Variants in ZNF407 observed in about 807,000 individuals in gnomAD.
The protein encoded by ZNF407 is zinc finger protein 407.
In ZNF407, 17 loss-of-function variants were observed where a neutral mutation model predicts 131.2. That is an observed-to-expected ratio of 0.13 (90% confidence interval 0.09 to 0.19). The LOEUF (loss-of-function observed/expected upper bound fraction) is 0.19, where lower values mean the gene tolerates loss of function less well. Among genes scored for constraint, ZNF407 ranks in the 10% least tolerant of loss-of-function variants. ZNF407 has a pLI of 1.00. For synonymous variants in ZNF407, 1,156 were observed against 1,062.0 expected (o/e 1.09, Z -1.72); for missense variants, 2,681 against 2,830.6 (o/e 0.95, Z 1.20).
chr18:74,622,872 ATGTG>A (rs1244113063), intron 1 of ZNF407, among the ~76,000 whole-genome samples: 1 of 134,466 alleles, frequency 7.4e-6, no homozygotes, highest in Admixed American at 7.9e-5. Context: ...GTGCAAATGC[ATGTG>A]TGTCAGCCTA....
chr18:74,867,627 G>C (rs1403635649), intron 4 of ZNF407, among the ~76,000 whole-genome samples: 1 of 152,202 alleles, frequency 6.6e-6, no homozygotes, highest in Non-Finnish European at 1.5e-5. Flanking sequence ...GAACTGAGCA[G>C]TACTGTTCTT....
At chr18:74,925,197 T>A (rs1350246535) in intron 8 of ZNF407, among the ~76,000 whole-genome samples, 1 of 152,246 alleles carries the variant, frequency 6.6e-6, no homozygotes, top group Non-Finnish European at 1.5e-5. Flanking sequence ...ATGCTAAGAC[T>A]TGGTCATATA....
At chr18:75,042,564 ATGG>A (rs2122242973) in intron 8 of ZNF407, among the ~76,000 whole-genome samples, 1 of 152,328 alleles carries the variant, frequency 6.6e-6, no homozygotes, top group African/African-American at 2.4e-5. Flanking sequence ...CTGTGCTTAT[ATGG>A]AGTGCATTTA....
At chr18:75,058,260 C>T (rs1005540452) in intron 8 of ZNF407, among the ~76,000 whole-genome samples, 6 of 152,176 alleles carry the variant, frequency 3.9e-5, no homozygotes, top group Non-Finnish European at 1.5e-5. Flanking sequence ...AACTCAAAAT[C>T]CTCTCCCCAA....
Position 74,631,774 on chromosome 18 carries a change from A to G in ZNF407, c.755A>G (p.Gln252Arg), listed in dbSNP as rs1449105172. Reference sequence around the variant, plus strand: ...TTTTCCTGTGATCTTTGTGGTTTTCAGTGTTCAGAAGAAAACTTGTTGAAT... The same window carrying G: ...TTTTCCTGTGATCTTTGTGGTTTTCGGTGTTCAGAAGAAAACTTGTTGAAT... ...KVFSCDLCGFQCSEENLLNAH... is the reference protein window; with the variant it reads ...KVFSCDLCGFRCSEENLLNAH... Residue 252 changes from glutamine (Q) to arginine (R), a missense_variant, in exon 2 of 9, where the codon CAG becomes CGG. Transcript: ENST00000299687. 4 of 1,614,082 alleles carry G rather than the reference A, an allele frequency of 2.5e-6. No homozygotes were observed. Among genetic ancestry groups the G allele is most frequent in the Admixed American group, 1.7e-5 (1 of 60,030 alleles).
intron 8 of ZNF407, among the ~76,000 whole-genome samples, chr18:74,950,692 C>A (rs1972203747): frequency 6.6e-6 from 1 of 152,204 alleles, no homozygotes; most frequent in Non-Finnish European, 1.5e-5. Flanking sequence ...TAGGGCATTT[C>A]CTGCCTGTCT....
chr18:74,964,164 C>G (rs4613158), intron 8 of ZNF407, among the ~76,000 whole-genome samples: 4,443 of 152,264 alleles, frequency 0.029, 248 homozygotes, highest in African/African-American at 0.1. Context: ...ATATGTAGCT[C>G]CCACTGTCGT....
rs962252737 is a variant in ZNF407 at position 74,703,719 on chromosome 18, A to G, written c.4802+62597A>G. Among the ~76,000 whole-genome samples, 2 of 152,032 alleles carry G rather than the reference A, an allele frequency of 1.3e-5. No homozygotes were observed. The highest frequency in any genetic ancestry group is 2.9e-5 in the Non-Finnish European group (2 of 67,998). On this transcript the variant is annotated intron_variant, in intron 3 of 8. Transcript: ENST00000299687. The surrounding 1 kb of genome is among the most constrained non-coding windows in gnomAD (Gnocchi z 4.1). ...ATTTTTTTTTTAACTGAATATGGTAATGTTTTTAATACATCATCAACAAGT... is the reference window on the plus strand; with the variant it reads ...ATTTTTTTTTTAACTGAATATGGTAGTGTTTTTAATACATCATCAACAAGT...
chr18:74,922,899 T>C (rs1971865236), intron 8 of ZNF407, among the ~76,000 whole-genome samples: 1 of 152,228 alleles, frequency 6.6e-6, no homozygotes. Context: ...CCCTGAAAAC[T>C]GCATTTTTAC....
intron 3 of ZNF407, among the ~76,000 whole-genome samples, chr18:74,685,681 G>A (rs1283844463): frequency 6.6e-6 from 1 of 152,130 alleles, no homozygotes; most frequent in East Asian, 1.9e-4. Flanking sequence ...AATATGTGGC[G>A]CATGCTCTCT....
intron 4 of ZNF407, among the ~76,000 whole-genome samples, chr18:74,852,556 T>C (rs2145148530): frequency 6.6e-6 from 1 of 152,318 alleles, no homozygotes; most frequent in Non-Finnish European, 1.5e-5. Flanking sequence ...TTTAATATTT[T>C]GAGCTCTGTA....
rs778212590 is a variant in ZNF407, at chr18:74,633,348, A to G, written c.2329A>G (p.Arg777Gly). The G allele has an allele frequency of 1.9e-6, 3 of 1,613,732 alleles. No homozygotes were observed. Among genetic ancestry groups the G allele is most frequent in the East Asian group, 2.2e-5 (1 of 44,888 alleles). ...CTTAAGCTTTGAAGAATGTATTGAA[A>G]GGGTATGTATAGGTGCAAATGATAA... ...IGLSFEECIE[R>G]VCIGANDKKE... Residue 777 changes from arginine (R) to glycine (G), a missense_variant, in exon 2 of 9, where the codon AGG (arginine) becomes GGG (glycine). Around this residue, in one of 6 missense-constraint regions of ZNF407, gnomAD observed 1,789 missense variants for 1,748.7 expected, o/e 1.02. Transcript: ENST00000299687.
intron 7 of ZNF407, among the ~76,000 whole-genome samples, chr18:74,893,292 A>C (rs1971410560): frequency 6.6e-6 from 1 of 152,194 alleles, no homozygotes; most frequent in South Asian, 2.1e-4. Context: ...GAAATGCTTA[A>C]TGTGCATTAT....
intron 3 of ZNF407, among the ~76,000 whole-genome samples, chr18:74,659,165 C>A (rs1985607317): frequency 6.6e-6 from 1 of 152,034 alleles, no homozygotes; most frequent in African/African-American, 2.4e-5. Flanking sequence ...GTAAATATAT[C>A]ATTGTGGTTT....
chr18:74,929,057 A>G (rs80274259), intron 8 of ZNF407, among the ~76,000 whole-genome samples: 3,057 of 152,302 alleles, frequency 0.02, 109 homozygotes, highest in African/African-American at 0.068. Context: ...TTTTGATGGT[A>G]ACACCTAACA....
intron 8 of ZNF407, among the ~76,000 whole-genome samples, chr18:75,020,990 G>A (rs973756374): frequency 3.0e-4 from 46 of 152,082 alleles, no homozygotes; most frequent in African/African-American, 1.1e-3. Flanking sequence ...CACTGAGCCC[G>A]GAGGCTTTCT....
At chr18:74,744,603 A>C (rs576501441) in intron 3 of ZNF407, among the ~76,000 whole-genome samples, 2 of 152,250 alleles carry the variant, frequency 1.3e-5, no homozygotes, top group East Asian at 3.9e-4. Context: ...TGTGGACAGG[A>C]CCAAAATACT....
intron 3 of ZNF407, among the ~76,000 whole-genome samples, chr18:74,675,668 G>T (rs909897690): frequency 6.6e-6 from 1 of 152,070 alleles, no homozygotes; most frequent in Non-Finnish European, 1.5e-5. Flanking sequence ...TTCCTGTTAC[G>T]CTGTTAGCTT....
intron 4 of ZNF407, among the ~76,000 whole-genome samples, chr18:74,824,832 A>G (rs1011143794): frequency 6.6e-6 from 1 of 152,228 alleles, no homozygotes; most frequent in African/African-American, 2.4e-5. Flanking sequence ...CAAAGAATAT[A>G]AAAAGAGGGA....
Sources: gnomAD v4.1 joint callset for allele counts (sites outside exome capture counted in the v4.1 genomes callset) on GRCh38, gnomAD v4.1.1 for gene constraint, gnomAD v4.1.1 regional missense constraint, Gnocchi (gnomAD v3.1) non-coding constraint, MANE v1.5 for transcripts, NCBI Gene and HGNC (gene_info 2026-07-23, HGNC 2026-07-21) for gene names.